The following PKM variants were observed in gnomAD, a reference collection of about 807,000 sequenced individuals.
PKM encodes pyruvate kinase PKM.
In PKM, 18 loss-of-function variants were observed where a neutral mutation model predicts 49.8. The ratio of observed to expected loss-of-function variants is 0.36; its 90% CI spans 0.25 to 0.54. The LOEUF (loss-of-function observed/expected upper bound fraction) is 0.54, where lower values mean the gene tolerates loss of function less well. Among genes scored for constraint, PKM ranks in the 20% least tolerant of loss-of-function variants. The pLI is 0.89. For missense variants in PKM, 508 were observed against 713.8 expected, an observed-to-expected ratio of 0.71 and a Z score of 3.28; for synonymous variants, 239 against 261.8, an observed-to-expected ratio of 0.91 and a Z score of 0.84.
intron 1 of PKM, chr15:72,221,376 C>G: frequency 2.9e-6 from 2 of 682,162 alleles, no homozygotes; most frequent in Non-Finnish European, 5.0e-6. Context: ...CAGGTGACAG[C>G]TGCTCTAGAG....
At chr15:72,221,088 T>G in intron 1 of PKM, 1 of 799,722 alleles carries the variant, frequency 1.3e-6, no homozygotes, top group Non-Finnish European at 2.1e-6. Flanking sequence ...TTAAAAACCA[T>G]CAGCTGGCTC....
intron 1 of PKM, chr15:72,230,811 G>C (rs1373347145): frequency 1.7e-6 from 1 of 575,380 alleles, no homozygotes; most frequent in South Asian, 1.7e-5. Context: ...GGCGAGGATG[G>C]AGGCGCATTG....
At chr15:72,223,781 T>G (rs1439056736) in intron 1 of PKM, among the ~76,000 whole-genome samples, 6 of 152,120 alleles carry the variant, frequency 3.9e-5, no homozygotes, top group Non-Finnish European at 7.4e-5. Context: ...GGATAAGATA[T>G]CTTCTAGCTA....
At chr15:72,231,084 G>A in intron 1 of PKM, 32 bp downstream of exon 1, 26 of 545,484 alleles carry the variant, frequency 4.8e-5, no homozygotes, top group South Asian at 3.5e-4. Context: ...CCCTTGGTGG[G>A]GACTGATGGC....
chr15:72,212,844 G>C (rs796453896), intron 3 of PKM, among the ~76,000 whole-genome samples: 11 of 152,252 alleles, frequency 7.2e-5, no homozygotes, highest in African/African-American at 2.6e-4. Context: ...GGCCGAGGAG[G>C]GGGGATCACA....
rs1226877088 is a variant in PKM at position 72,226,928 on chromosome 15, G to A, written c.-14+4188C>T. 4.6e-5 allele frequency among the ~76,000 whole-genome samples: 7 copies of A among 152,330 alleles called. No individual in the cohort carries two copies. The East Asian group carries it at 1.2e-3, about 25-fold the overall frequency. On this transcript the variant is annotated intron_variant, in intron 1 of 10. Transcript: ENST00000335181. The stretch of plus-strand genomic sequence containing the variant: ...GGGGCGGGGCTTCACCGCACTGCAT[G>A]GTAGGGGCCCTAAAGCACCCAACTC...
chr15:72,217,482 AC>A lies in PKM; in HGVS notation c.172del (p.Val58TrpfsTer4). On this transcript the variant is annotated frameshift_variant, in exon 3 of 11. Coordinates refer to ENST00000335181, the MANE Select transcript of PKM (RefSeq NM_002654.6). LOFTEE classifies it high-confidence loss of function. ...ICTIGPASRS[V>X]ETLKEMIKSG... The stretch of plus-strand genomic sequence containing the variant: ...CTTAATCATCTCCTTCAACGTCTCC[AC>A]TGATCGGGAAGCTGGGCCTATTAGG... 6.2e-7 allele frequency: 1 copy of A among 1,609,370 alleles called. No individual in the cohort carries two copies. The highest frequency in any genetic ancestry group is 8.5e-7 in the Non-Finnish European group (1 of 1,175,656).
intron 8 of PKM, chr15:72,206,525 G>A (rs186446803): frequency 1.7e-6 from 1 of 587,312 alleles, no homozygotes; most frequent in Non-Finnish European, 3.0e-6. Context: ...TGGAGGGGTG[G>A]GGGTGTGGGC....
chr15:72,218,534 C>T (rs2082432566), intron 2 of PKM, among the ~76,000 whole-genome samples: 1 of 151,906 alleles, frequency 6.6e-6, no homozygotes, highest in Non-Finnish European at 1.5e-5. Flanking sequence ...TGATCTTTGT[C>T]TCAGCCTCCC....
chr15:72,202,685 A>G lies in PKM; in HGVS notation c.1141-65T>C, dbSNP rs1596720893. 2 of 1,429,544 alleles carry G rather than the reference A, an allele frequency of 1.4e-6. No homozygotes were observed. The highest frequency in any genetic ancestry group is 1.9e-6 in the Non-Finnish European group (2 of 1,028,510). The allele number at this position is 1,429,544 out of a possible 1,614,324, so 88.6% of individuals were successfully genotyped here. A position where few individuals can be genotyped will look rare whatever the true frequency, so the allele number is the denominator to read the frequency against. ...CAGAGCTTTGTCAGAGCTTTGTCACAAAAGGAGAGGGAGGGGAAGAGTCAC... is the reference window on the plus strand; with the variant it reads ...CAGAGCTTTGTCAGAGCTTTGTCACGAAAGGAGAGGGAGGGGAAGAGTCAC... On this transcript the variant is annotated intron_variant, in intron 8 of 10. Transcript: ENST00000335181. The surrounding 1 kb of genome is among the most constrained non-coding windows in gnomAD (Gnocchi z 4.5).
At chr15:72,228,593 T>G in intron 1 of PKM, 5 of 1,261,498 alleles carry the variant, frequency 4.0e-6, no homozygotes, top group Non-Finnish European at 5.2e-6. Context: ...AAGATAATTC[T>G]CTCAAAAGCA....
At chr15:72,213,610 T>C (rs2082307611) in intron 3 of PKM, among the ~76,000 whole-genome samples, 1 of 152,162 alleles carries the variant, frequency 6.6e-6, no homozygotes, top group Non-Finnish European at 1.5e-5. Context: ...TTTGTATTTT[T>C]AGTAGAGACA....
At chr15:72,219,198 A>G (rs1022986210) in intron 1 of PKM, 88 bp from the exon 2 acceptor site, 32 of 1,218,036 alleles carry the variant, frequency 2.6e-5, no homozygotes, top group East Asian at 4.7e-5. Context: ...CTGCTTACAC[A>G]TTAACTCAAT....
Position 72,202,322 on chromosome 15 carries a change from C to G in PKM, c.1307+132G>C. On this transcript the variant is annotated intron_variant, in intron 9 of 10. Transcript: ENST00000335181. The surrounding 1 kb of genome is among the most constrained non-coding windows in gnomAD (Gnocchi z 4.5). ...CTCTGCTCAATCCTTCCCTGCAGGC[C>G]CAAGGTGGCAGGCAGAGGGGTCTTA... The G allele has an allele frequency of 1.1e-6, 1 of 913,156 alleles. No homozygotes were observed. The highest frequency in any genetic ancestry group is 1.7e-6 in the Non-Finnish European group (1 of 577,096). 56.6% of individuals were successfully genotyped at this position (913,156 alleles called of 1,614,324 possible).
Position 72,206,754 on chromosome 15 carries a change from G to A in PKM, c.1114C>T (p.Leu372=), listed in dbSNP as rs759254054. 1.2e-6 allele frequency: 2 copies of A among 1,613,700 alleles called. No individual in the cohort carries two copies. Among genetic ancestry groups the A allele is most frequent in the Admixed American group, 3.3e-5 (2 of 60,032 alleles). ...AGGTGCTGCATGCGCACAGCCTCCAGAGGATAGTCCCCTTTGGCTGTTTCT... is the reference window on the plus strand; with the variant it reads ...AGGTGCTGCATGCGCACAGCCTCCAAAGGATAGTCCCCTTTGGCTGTTTCT... ...SGETAKGDYP[L]EAVRMQHLIA... is the part of the protein sequence containing the mutation. Residue 372 remains leucine (L), a synonymous_variant, in exon 8 of 11, where the codon CTG becomes TTG. Transcript: ENST00000335181.
At chr15:72,229,451 G>C in intron 1 of PKM, 1 of 649,832 alleles carries the variant, frequency 1.5e-6, no homozygotes, top group South Asian at 1.6e-5. Context: ...CTCTCCACGT[G>C]GACCTTCACT....
chr15:72,200,720 G>A lies in PKM; in HGVS notation c.1308-65C>T. 2 of 1,402,472 alleles carry A rather than the reference G, an allele frequency of 1.4e-6. No individual in the cohort carries two copies. The highest frequency in any genetic ancestry group is 2.0e-6 in the Non-Finnish European group (2 of 1,006,386). 86.9% of individuals were successfully genotyped at this position (1,402,472 alleles called of 1,614,324 possible). ...CGAGGCCCCAGGAAGTACCCTCAGG[G>A]CGTTCAAACAGCTCACCCTCTCATC... On this transcript the variant is annotated intron_variant, in intron 9 of 10. Coordinates refer to ENST00000335181, the MANE Select transcript of PKM (RefSeq NM_002654.6). The surrounding 1 kb of genome is among the most constrained non-coding windows in gnomAD (Gnocchi z 4.6).
intron 1 of PKM, chr15:72,221,205 G>C: frequency 2.0e-6 from 3 of 1,535,242 alleles, no homozygotes; most frequent in Non-Finnish European, 2.6e-6. Context: ...GTGACATAAT[G>C]CTCCCCTTTT....
intron 1 of PKM, among the ~76,000 whole-genome samples, chr15:72,228,924 C>T (rs8192357): frequency 6.6e-6 from 1 of 152,246 alleles, no homozygotes; most frequent in African/African-American, 2.4e-5. Flanking sequence ...CTACTTACAG[C>T]GGAACACCAA....
Sources: allele counts gnomAD v4.1 joint callset (sites outside exome capture counted in the v4.1 genomes callset), GRCh38; gene constraint gnomAD v4.1.1; non-coding constraint Gnocchi (gnomAD v3.1); transcripts MANE v1.5; gene names NCBI Gene and HGNC (gene_info 2026-07-23, HGNC 2026-07-21).